Variants in ZNF599 observed in about 807,000 individuals in gnomAD.
ZNF599 encodes zinc finger protein 599.
ZNF599 carries 10 observed loss-of-function variants against 11.7 expected under a neutral mutation model. That is an observed-to-expected ratio of 0.86 (90% CI 0.53 to 1.45). The LOEUF (loss-of-function observed/expected upper bound fraction) is 1.45. Among genes scored for constraint, ZNF599 ranks in the 40% most tolerant of loss-of-function variants. ZNF599 has a pLI of 0.00. For synonymous variants in ZNF599, 232 were observed against 253.2 expected, an observed-to-expected ratio of 0.92 and a Z score of 0.79; for missense variants, 688 against 713.6, an observed-to-expected ratio of 0.96 and a Z score of 0.41.
Position 34,772,499 on chromosome 19 carries a change from G to A in ZNF599, c.18+325C>T, listed in dbSNP as rs1370379776. 5 of 1,262,550 alleles carry A rather than the reference G, an allele frequency of 4.0e-6. No homozygotes were observed. In the East Asian group the frequency reaches 1.5e-4, roughly 38 times the overall value. The allele number at this position is 1,262,550 out of a possible 1,614,324, so 78.2% of individuals were successfully genotyped here. A position where few individuals can be genotyped will look rare whatever the true frequency, so the allele number is the denominator to read the frequency against. ...GTGAAAGACAGGACCCACGTCACAA[G>A]CGTACCCTCTCCAGCTCCCTCCACA... On this transcript the variant is annotated intron_variant, in intron 1 of 3. Transcript: ENST00000329285.
In ZNF599 at chr19:34,773,007, A is replaced by C; in HGVS notation, c.-166T>G. On this transcript the variant is annotated 5_prime_UTR_variant, in exon 1 of 4. Transcript: ENST00000329285. Reference sequence around the variant, plus strand: ...CCGCCTCTGCGCGCCGTGAGGACACAGGGCTGTCGCCAAGGCCCCAGGAAG... The same window carrying C: ...CCGCCTCTGCGCGCCGTGAGGACACCGGGCTGTCGCCAAGGCCCCAGGAAG... 1.3e-6 allele frequency: 1 copy of C among 798,294 alleles called. No individual in the cohort carries two copies. Among genetic ancestry groups the C allele is most frequent in the African/African-American group, 1.8e-5 (1 of 54,114 alleles). 49.5% of individuals were successfully genotyped at this position (798,294 alleles called of 1,614,324 possible).
At chr19:34,777,213 A>T (rs984114156), upstream of ZNF599, among the ~76,000 whole-genome samples, 4 of 142,240 alleles carry the variant, frequency 2.8e-5, no homozygotes, top group Admixed American at 7.3e-5. Flanking sequence ...ATCAATTTTT[A>T]AAATATTTGC....
chr19:34,798,837 T>C, the ZNF599 span, among the ~76,000 whole-genome samples: 2 of 152,248 alleles, frequency 1.3e-5, no homozygotes, highest in Non-Finnish European at 1.5e-5. Context: ...GACAGGTCTA[T>C]GAGTTTTGAC....
Position 34,758,986 on chromosome 19 carries a change from T to C in ZNF599, c.*48A>G. 2 of 1,535,212 alleles carry C rather than the reference T, an allele frequency of 1.3e-6. No individual in the cohort carries two copies. The highest frequency in any genetic ancestry group is 1.8e-6 in the Non-Finnish European group (2 of 1,137,498). On this transcript the variant is annotated 3_prime_UTR_variant, in exon 4 of 4. Coordinates refer to ENST00000329285, the MANE Select transcript of ZNF599 (RefSeq NM_001007248.3). ...CAAAAGGAAAGGTATGTCACCACTA[T>C]GAGTTCACTAAAGACAAACACACTT...
the ZNF599 span, among the ~76,000 whole-genome samples, chr19:34,782,172 T>C: frequency 6.6e-6 from 1 of 152,226 alleles, no homozygotes; most frequent in African/African-American, 2.4e-5. Flanking sequence ...CACCCAGGCC[T>C]ATTCCACCAT....
At chr19:34,781,142 C>T in the ZNF599 span, among the ~76,000 whole-genome samples, 4 of 140,260 alleles carry the variant, frequency 2.9e-5, no homozygotes, top group East Asian at 2.2e-4. Flanking sequence ...GGTGATAGAG[C>T]GAGACTCTGT....
upstream of ZNF599, chr19:34,773,270 T>G (rs1016260640): frequency 4.3e-5 from 8 of 186,294 alleles, no homozygotes; most frequent in Non-Finnish European, 6.6e-5. Flanking sequence ...CGTCTATGGC[T>G]TGGGGTCGGC....
chr19:34,781,979 G>A, the ZNF599 span, among the ~76,000 whole-genome samples: 2 of 152,168 alleles, frequency 1.3e-5, no homozygotes, highest in Non-Finnish European at 2.9e-5. Flanking sequence ...TTCAAGAATG[G>A]GGAAGGAGTG....
At chr19:34,770,090 A>C (rs2069172997) in intron 1 of ZNF599, among the ~76,000 whole-genome samples, 1 of 152,200 alleles carries the variant, frequency 6.6e-6, no homozygotes, top group Non-Finnish European at 1.5e-5. Context: ...ACTTCACCGA[A>C]CTGTTGTGAA....
chr19:34,776,541 T>A (rs1472862839), upstream of ZNF599, among the ~76,000 whole-genome samples: 1 of 152,238 alleles, frequency 6.6e-6, no homozygotes, highest in East Asian at 1.9e-4. Flanking sequence ...AGGCAGCGGC[T>A]GTTTCTATTG....
intron 3 of ZNF599, chr19:34,763,976 G>C (rs1266658826): frequency 2.0e-5 from 3 of 152,188 alleles, no homozygotes; most frequent in Admixed American, 1.3e-4. Flanking sequence ...CAGTTACTCA[G>C]GAGGCTGAGG....
upstream of ZNF599, among the ~76,000 whole-genome samples, chr19:34,774,526 C>T (rs557953822): frequency 6.6e-6 from 1 of 152,304 alleles, no homozygotes; most frequent in South Asian, 2.1e-4. Flanking sequence ...AATGAAGACA[C>T]AATTTTGCAA....
chr19:34,777,361 A>T (rs1442248369), upstream of ZNF599, among the ~76,000 whole-genome samples: 1 of 86,458 alleles, frequency 1.2e-5, no homozygotes, highest in East Asian at 2.6e-4. Flanking sequence ...ATTATATATT[A>T]ATATATTATA....
rs1600161072 is a variant in ZNF599 at position 34,773,202 on chromosome 19, A to G, written c.-361T>C. The G allele has an allele frequency of 3.6e-6, 1 of 280,456 alleles. No homozygotes were observed. The highest frequency in any genetic ancestry group is 6.0e-5 in the East Asian group (1 of 16,592). 17.4% of individuals were successfully genotyped at this position (280,456 alleles called of 1,614,324 possible). ...AGCAGCCGCAACCTAACGGCGGACG[A>G]AGACTGGACGCCGGAAGTCCCGCCC... On this transcript the variant is annotated 5_prime_UTR_variant, in exon 1 of 4. Transcript: ENST00000329285.
intron 2 of ZNF599, 46 bp downstream of exon 2, chr19:34,769,383 C>T (rs761737493): frequency 1.2e-6 from 2 of 1,613,666 alleles, no homozygotes; most frequent in Non-Finnish European, 8.5e-7. Context: ...AGGGTGGATT[C>T]AAAGAGGCTG....
upstream of ZNF599, among the ~76,000 whole-genome samples, chr19:34,775,733 T>C (rs1188968151): frequency 6.6e-6 from 1 of 152,234 alleles, no homozygotes; most frequent in Admixed American, 6.5e-5. Context: ...CAAATCCTGC[T>C]ATGTAATATT....
At chr19:34,784,293 G>C in the ZNF599 span, among the ~76,000 whole-genome samples, 9 of 152,048 alleles carry the variant, frequency 5.9e-5, no homozygotes, top group East Asian at 5.8e-4. Flanking sequence ...TCTGTCTCAG[G>C]GTCCACATTT....
the ZNF599 span, among the ~76,000 whole-genome samples, chr19:34,786,422 A>C: frequency 6.6e-5 from 10 of 152,060 alleles, no homozygotes; most frequent in Admixed American, 6.5e-4. Flanking sequence ...GTCCCGCTGA[A>C]TCAAGTCTGC....
In ZNF599 at chr19:34,773,076, A is replaced by C; in HGVS notation, c.-235T>G. The C allele has an allele frequency of 3.8e-6, 2 of 531,106 alleles. No individual in the cohort carries two copies. Among genetic ancestry groups the C allele is most frequent in the Non-Finnish European group, 3.3e-6 (1 of 306,320 alleles). 32.9% of individuals were successfully genotyped at this position (531,106 alleles called of 1,614,324 possible). A position where few individuals can be genotyped will look rare whatever the true frequency, so the allele number is the denominator to read the frequency against. On this transcript the variant is annotated 5_prime_UTR_variant, in exon 1 of 4. Coordinates refer to ENST00000329285, the MANE Select transcript of ZNF599 (RefSeq NM_001007248.3). Reference sequence around the variant, plus strand: ...GGGGGTGGGATCGCGGCTGACATAAAAGCGTGTAAGTGGGTCCTATCCTCC... The same window carrying C: ...GGGGGTGGGATCGCGGCTGACATAACAGCGTGTAAGTGGGTCCTATCCTCC...
Sources: gnomAD v4.1 joint callset for allele counts (sites outside exome capture counted in the v4.1 genomes callset) on GRCh38, gnomAD v4.1.1 for gene constraint, MANE v1.5 for transcripts, NCBI Gene and HGNC (gene_info 2026-07-23, HGNC 2026-07-21) for gene names.